Variants in SUZ12 observed in about 807,000 individuals in gnomAD.
The protein encoded by SUZ12 is SUZ12 polycomb repressive complex 2 subunit.
In SUZ12, 17 loss-of-function variants were observed where a neutral mutation model predicts 87.3. That is an observed-to-expected ratio of 0.19 (90% CI 0.13 to 0.29). The LOEUF is 0.29. Among genes scored for constraint, SUZ12 ranks in the 10% least tolerant of loss-of-function variants. The pLI, the probability that SUZ12 is intolerant of heterozygous loss-of-function variation, is 1.00. For synonymous variants in SUZ12, 253 were observed against 312.4 expected (o/e 0.81, Z 2.01); for missense variants, 526 against 912.2 (o/e 0.58, Z 5.45).
Position 31,979,063 on chromosome 17 carries a change from G to A in SUZ12, c.917+2449G>A, listed in dbSNP as rs1161023411. 2.6e-4 allele frequency among the ~76,000 whole-genome samples: 35 copies of A among 136,276 alleles called. No homozygotes were observed. In the East Asian group the frequency reaches 4.6e-3, roughly 18 times the overall value. The allele number at this position is 136,276 out of a possible 152,430, so 89.4% of individuals were successfully genotyped here. A position where few individuals can be genotyped will look rare whatever the true frequency, so the allele number is the denominator to read the frequency against. On this transcript the variant is annotated intron_variant, in intron 8 of 15. Transcript: ENST00000322652. ...GGAGGTTACAGTGAGTTGAGATCGC[G>A]CCGCTGCACTCCAGCCTGGTGACAG...
At chr17:31,949,664 C>A in intron 4 of SUZ12, among the ~76,000 whole-genome samples, 44 of 36,554 alleles carry the variant, frequency 1.2e-3, no homozygotes, top group African/African-American at 4.0e-3. Flanking sequence ...CACCCAGCCC[C>A]CCCCCCCCCC....
At chr17:31,945,894 A>T (rs1486150096) in intron 3 of SUZ12, among the ~76,000 whole-genome samples, 1 of 152,186 alleles carries the variant, frequency 6.6e-6, no homozygotes. Context: ...GCCCTCCTCA[A>T]TAGTAACTTT....
At chr17:31,957,537 G>C (rs1433304397) in intron 4 of SUZ12, among the ~76,000 whole-genome samples, 1 of 151,510 alleles carries the variant, frequency 6.6e-6, no homozygotes, top group African/African-American at 2.4e-5. Context: ...TCAGCCTCCC[G>C]AGTAGCCGGG....
intron 4 of SUZ12, among the ~76,000 whole-genome samples, chr17:31,965,497 T>G (rs955055036): frequency 1.3e-5 from 2 of 152,214 alleles, no homozygotes; most frequent in African/African-American, 4.8e-5. Flanking sequence ...TGCTTTTGCT[T>G]TTCCATAGCT....
intron 4 of SUZ12, among the ~76,000 whole-genome samples, chr17:31,957,197 C>CT (rs1907397112): frequency 6.6e-6 from 1 of 151,954 alleles, no homozygotes; most frequent in Non-Finnish European, 1.5e-5. Context: ...ATCCTCTCTC[C>CT]TCAGCCTCTT....
intron 4 of SUZ12, among the ~76,000 whole-genome samples, chr17:31,956,129 GT>G (rs1387234870): frequency 6.6e-6 from 1 of 151,728 alleles, no homozygotes; most frequent in Non-Finnish European, 1.5e-5. Context: ...TAGCCAGGAT[GT>G]TCTCAATCTC....
chr17:31,984,171 C>G (rs1909278470), intron 9 of SUZ12, among the ~76,000 whole-genome samples: 1 of 152,000 alleles, frequency 6.6e-6, no homozygotes, highest in African/African-American at 2.4e-5. Context: ...GAACTTAAAC[C>G]CTATGGTATA....
intron 14 of SUZ12, among the ~76,000 whole-genome samples, chr17:31,996,282 C>T (rs962312457): frequency 1.3e-5 from 2 of 152,124 alleles, no homozygotes; most frequent in Non-Finnish European, 2.9e-5. Context: ...TGTGTGTTTT[C>T]ATTTCTATAT....
At chr17:31,994,760 A>G in intron 13 of SUZ12, 39 bp downstream of exon 13, 1 of 1,587,730 alleles carries the variant, frequency 6.3e-7, no homozygotes. Context: ...TTAAGCTCTG[A>G]TTTTTACTGA....
intron 4 of SUZ12, among the ~76,000 whole-genome samples, chr17:31,959,325 A>C (rs1237898970): frequency 6.6e-6 from 1 of 152,176 alleles, no homozygotes; most frequent in African/African-American, 2.4e-5. Flanking sequence ...TTCCTTGTAT[A>C]ATTTTTGGTT....
intron 9 of SUZ12, among the ~76,000 whole-genome samples, chr17:31,984,641 C>T (rs1414540832): frequency 1.3e-5 from 2 of 152,026 alleles, no homozygotes; most frequent in African/African-American, 4.8e-5. Flanking sequence ...AAAAGATACG[C>T]AGTCTAATAA....
intron 8 of SUZ12, among the ~76,000 whole-genome samples, chr17:31,980,502 C>T (rs1219628736): frequency 6.3e-5 from 8 of 125,998 alleles, no homozygotes; most frequent in African/African-American, 1.2e-4. Context: ...CAGGCTGGAG[C>T]GCAAAGGCAC....
chr17:31,950,115 T>A (rs930133372), intron 4 of SUZ12, among the ~76,000 whole-genome samples: 6 of 152,124 alleles, frequency 3.9e-5, no homozygotes, highest in African/African-American at 1.4e-4. Flanking sequence ...GCCTCCCAAG[T>A]AGCAGGGATT....
intron 4 of SUZ12, among the ~76,000 whole-genome samples, chr17:31,951,479 G>C (rs1906973514): frequency 6.8e-6 from 1 of 146,424 alleles, no homozygotes; most frequent in Non-Finnish European, 1.5e-5. Flanking sequence ...ATGGTGGTTA[G>C]TTCTTTTTTT....
intron 1 of SUZ12, among the ~76,000 whole-genome samples, chr17:31,938,810 A>G (rs1351805751): frequency 6.6e-6 from 1 of 152,250 alleles, no homozygotes; most frequent in Non-Finnish European, 1.5e-5. Context: ...GTTAAGACAC[A>G]TCCTCCAAGA....
At chr17:31,944,637 T>G (rs1906510185) in intron 3 of SUZ12, among the ~76,000 whole-genome samples, 2 of 152,216 alleles carry the variant, frequency 1.3e-5, no homozygotes, top group South Asian at 4.2e-4. Flanking sequence ...GAAGCAAATT[T>G]AAGTCCCACC....
chr17:31,979,999 T>C (rs1206710281), intron 8 of SUZ12, among the ~76,000 whole-genome samples: 1 of 147,272 alleles, frequency 6.8e-6, no homozygotes, highest in East Asian at 1.9e-4. Flanking sequence ...CTAAAAAATA[T>C]ATATATATGT....
At chr17:31,993,370 A>G (rs1343204058) in intron 11 of SUZ12, 37 bp downstream of exon 11, 1 of 1,330,578 alleles carries the variant, frequency 7.5e-7, no homozygotes, top group Middle Eastern at 1.9e-4. Context: ...TAATTATGAA[A>G]TGTATTTGTT....
intron 6 of SUZ12, among the ~76,000 whole-genome samples, chr17:31,974,043 T>C (rs1306838582): frequency 3.9e-5 from 6 of 151,958 alleles, no homozygotes; most frequent in Non-Finnish European, 7.4e-5. Flanking sequence ...GGCAACATGG[T>C]GAAACCCTGT....
Sources: gnomAD v4.1 joint callset for allele counts (sites outside exome capture counted in the v4.1 genomes callset) on GRCh38, gnomAD v4.1.1 for gene constraint, MANE v1.5 for transcripts, NCBI Gene and HGNC (gene_info 2026-07-23, HGNC 2026-07-21) for gene names.